Variants in HNRNPR observed in about 807,000 individuals in gnomAD.
The protein encoded by HNRNPR is heterogeneous nuclear ribonucleoprotein R.
A neutral mutation model predicts 70.3 loss-of-function variants in HNRNPR; 4 were observed. The ratio of observed to expected loss-of-function variants is 0.06; its 90% CI spans 0.03 to 0.13. HNRNPR has a LOEUF of 0.13. Ranked by LOEUF, HNRNPR falls within the 10% of genes least tolerant of loss-of-function variation. HNRNPR has a pLI of 1.00. For missense variants in HNRNPR, 423 were observed against 788.5 expected (o/e 0.54, Z 5.55); for synonymous variants, 241 against 267.6 (o/e 0.90, Z 0.97).
intron 5 of HNRNPR, among the ~76,000 whole-genome samples, chr1:23,332,921 C>T (rs570061081): frequency 1.1e-4 from 16 of 152,046 alleles, no homozygotes; most frequent in African/African-American, 3.4e-4. Flanking sequence ...TGGAGGCTAA[C>T]GCCTGTAATC....
chr1:23,340,561 T>G (rs1646672068), intron 2 of HNRNPR, among the ~76,000 whole-genome samples: 1 of 152,186 alleles, frequency 6.6e-6, no homozygotes, highest in Admixed American at 6.5e-5. Context: ...GAAAAAAATG[T>G]AAAATTTGGT....
At position 23,310,353 on chromosome 1, in the gene HNRNPR, G is replaced by A; in HGVS notation, c.*101C>T. 1 of 1,124,068 alleles carries A rather than the reference G, an allele frequency of 8.9e-7. No individual in the cohort carries two copies. The highest frequency in any genetic ancestry group is 2.3e-5 in the Admixed American group (1 of 42,934). The allele number at this position is 1,124,068 out of a possible 1,614,324, so 69.6% of individuals were successfully genotyped here. On this transcript the variant is annotated 3_prime_UTR_variant, in exon 11 of 11. Coordinates refer to ENST00000302271, the MANE Select transcript of HNRNPR (RefSeq NM_005826.5). This position sits in a 1 kb window ranked among gnomAD's most constrained non-coding sequence, Gnocchi z 6.0. Reference sequence around the variant, plus strand: ...AGCCCAATACAAATGGCAGCAAAATGCTACTTAAAGATGAAACAGTTAAGC... The same window carrying A: ...AGCCCAATACAAATGGCAGCAAAATACTACTTAAAGATGAAACAGTTAAGC...
rs3765940 is a variant in HNRNPR at position 23,315,936 on chromosome 1, T to C, written c.1018-2234A>G. ...AAAAAAAATTCAACATGGACTTTTC[T>C]ATGATGAAACGATAACATACTATGT... On this transcript the variant is annotated intron_variant, in intron 8 of 10. Coordinates refer to ENST00000302271, the MANE Select transcript of HNRNPR (RefSeq NM_005826.5). Among the ~76,000 whole-genome samples the C allele has an allele frequency of 1.5e-3, 226 of 152,354 alleles. 1 individual carries two copies. The highest frequency in any genetic ancestry group is 0.012 in the East Asian group (61 of 5,194).
chr1:23,324,392 C>A (rs911160002), intron 5 of HNRNPR, among the ~76,000 whole-genome samples: 1 of 151,944 alleles, frequency 6.6e-6, no homozygotes, highest in Non-Finnish European at 1.5e-5. Flanking sequence ...CATGGTGAAA[C>A]CCCGTCTCCA....
At chr1:23,316,195 C>T (rs1384271033) in intron 8 of HNRNPR, among the ~76,000 whole-genome samples, 1 of 152,096 alleles carries the variant, frequency 6.6e-6, no homozygotes, top group Non-Finnish European at 1.5e-5. Context: ...GTTGCAAGCA[C>T]CCGGGAGGCT....
chr1:23,310,820 T>A lies in HNRNPR; in HGVS notation c.1536A>T (p.Pro512=). The change falls in exon 11 of 11, where the codon CCA becomes CCT. Residue 512 remains proline (P), a synonymous_variant. Transcript: ENST00000302271. The surrounding 1 kb of genome is among the most constrained non-coding windows in gnomAD (Gnocchi z 6.0). The part of the protein sequence containing the change: ...RGGGRGGRGA[P]PPPRGRGAPP... ...GTGCTCCCCTCCCCCTTGGTGGTGGTGGAGCACCTCGCCCTCCCCTTCCTC... is the reference window on the plus strand; with the variant it reads ...GTGCTCCCCTCCCCCTTGGTGGTGGAGGAGCACCTCGCCCTCCCCTTCCTC... 1.2e-6 allele frequency: 2 copies of A among 1,613,974 alleles called. No individual in the cohort carries two copies. The highest frequency in any genetic ancestry group is 1.7e-6 in the Non-Finnish European group (2 of 1,179,976).
At chr1:23,329,205 A>G (rs542472503) in intron 5 of HNRNPR, among the ~76,000 whole-genome samples, 2 of 152,322 alleles carry the variant, frequency 1.3e-5, no homozygotes, top group South Asian at 4.1e-4. Context: ...CCATGAAGAA[A>G]CAGACCACGA....
In HNRNPR at chr1:23,306,581, G is replaced by A. The variant is rs1392818025; in HGVS notation, c.*3873C>T. On this transcript the variant is annotated 3_prime_UTR_variant, in exon 11 of 11. Coordinates refer to ENST00000302271, the MANE Select transcript of HNRNPR (RefSeq NM_005826.5). ...AGATTTCTGGATAACATCTGAAAATGATTAAAAAAACAAAAAAACAAAACA... is the reference window on the plus strand; with the variant it reads ...AGATTTCTGGATAACATCTGAAAATAATTAAAAAAACAAAAAAACAAAACA... 1 of 149,144 alleles carries A rather than the reference G, an allele frequency of 6.7e-6. No individual in the cohort carries two copies. The highest frequency in any genetic ancestry group is 1.5e-5 in the Non-Finnish European group (1 of 67,772). The allele number at this position is 149,144 out of a possible 1,614,324, so 9.2% of individuals were successfully genotyped here.
intron 4 of HNRNPR, among the ~76,000 whole-genome samples, chr1:23,336,177 C>G (rs1198988039): frequency 6.7e-6 from 1 of 149,954 alleles, no homozygotes; most frequent in African/African-American, 2.5e-5. Flanking sequence ...GTAATCCCAG[C>G]ACTTTGGGGA....
rs1364927100 is a variant in HNRNPR, at chr1:23,305,172, G to A, written c.*5282C>T. 6 of 152,082 alleles carry A rather than the reference G, an allele frequency of 3.9e-5. No individual in the cohort carries two copies. In the East Asian group the frequency reaches 1.2e-3, roughly 29 times the overall value. 9.4% of individuals were successfully genotyped at this position (152,082 alleles called of 1,614,324 possible). A position where few individuals can be genotyped will look rare whatever the true frequency, so the allele number is the denominator to read the frequency against. On this transcript the variant is annotated 3_prime_UTR_variant, in exon 11 of 11. Coordinates refer to ENST00000302271, the MANE Select transcript of HNRNPR (RefSeq NM_005826.5). The stretch of plus-strand genomic sequence containing the variant: ...TTTAGTGTTTAAAGTCAACAAACTG[G>A]CATTGCATTTTCCTTAACTTACATA...
intron 2 of HNRNPR, among the ~76,000 whole-genome samples, chr1:23,339,455 C>T (rs879813013): frequency 6.6e-6 from 1 of 152,156 alleles, no homozygotes; most frequent in African/African-American, 2.4e-5. Context: ...GCACACAGAA[C>T]ATCTACTAAG....
chr1:23,335,394 AC>A (rs1646429717), intron 4 of HNRNPR, among the ~76,000 whole-genome samples: 1 of 152,214 alleles, frequency 6.6e-6, no homozygotes, highest in African/African-American at 2.4e-5. Context: ...TGGGCCACAG[AC>A]CCGTACTGGT....
intron 4 of HNRNPR, among the ~76,000 whole-genome samples, chr1:23,335,977 C>T (rs982683921): frequency 3.3e-5 from 5 of 149,272 alleles, no homozygotes; most frequent in Non-Finnish European, 5.9e-5. Context: ...ATTAGCCGGG[C>T]GTAGTGGCGG....
chr1:23,328,094 G>A (rs74462532), intron 5 of HNRNPR, among the ~76,000 whole-genome samples: 177 of 151,980 alleles, frequency 1.2e-3, no homozygotes, highest in Non-Finnish European at 2.0e-3. Flanking sequence ...TGAGATGGGA[G>A]TACACTCAAC....
At chr1:23,328,233 T>C (rs1646074308) in intron 5 of HNRNPR, among the ~76,000 whole-genome samples, 1 of 152,128 alleles carries the variant, frequency 6.6e-6, no homozygotes, top group Non-Finnish European at 1.5e-5. Context: ...TGGGAAGCCA[T>C]CAGAGAGTTT....
chr1:23,312,434 C>G (rs1163660394), intron 9 of HNRNPR, among the ~76,000 whole-genome samples: 3 of 152,262 alleles, frequency 2.0e-5, no homozygotes, highest in Admixed American at 2.0e-4. Context: ...CCAGTCGAGT[C>G]AGGAGGAATA....
At chr1:23,320,470 G>T (rs746093540) in intron 7 of HNRNPR, among the ~76,000 whole-genome samples, 27 of 152,214 alleles carry the variant, frequency 1.8e-4, no homozygotes, top group Non-Finnish European at 3.7e-4. Context: ...GTTCACCAAT[G>T]TAGATGTTAA....
In HNRNPR at chr1:23,321,439, A is replaced by G. The variant is rs1645755352; in HGVS notation, c.811+89T>C. 2.8e-6 allele frequency: 3 copies of G among 1,082,080 alleles called. No homozygotes were observed. In the South Asian group the frequency reaches 5.0e-5, roughly 18 times the overall value. The allele number at this position is 1,082,080 out of a possible 1,614,324, so 67.0% of individuals were successfully genotyped here. A position where few individuals can be genotyped will look rare whatever the true frequency, so the allele number is the denominator to read the frequency against. ...TACTTCAGACCTGAATTCTTAATTT[A>G]ATACATACAACCCCTCAGTTTTTTT... On this transcript the variant is annotated intron_variant, in intron 7 of 10. Transcript: ENST00000302271.
At chr1:23,317,853 G>A (rs1045552472) in intron 8 of HNRNPR, among the ~76,000 whole-genome samples, 6 of 151,324 alleles carry the variant, frequency 4.0e-5, no homozygotes, top group South Asian at 4.2e-4. Flanking sequence ...GGTGGCAGGC[G>A]CCTGTAGTCC....
Sources: gnomAD v4.1 joint callset for allele counts (sites outside exome capture counted in the v4.1 genomes callset) on GRCh38, gnomAD v4.1.1 for gene constraint, Gnocchi (gnomAD v3.1) non-coding constraint, MANE v1.5 for transcripts, NCBI Gene and HGNC (gene_info 2026-07-23, HGNC 2026-07-21) for gene names.